The following NCKAP5 variants were observed in gnomAD, a reference collection of about 807,000 sequenced individuals.
NCKAP5 encodes NCK associated protein 5, also known as nck-associated protein 5.
Under a neutral mutation model 167.0 loss-of-function variants are expected in NCKAP5, and 92 were observed. That is an observed-to-expected ratio of 0.55 (90% confidence interval 0.47 to 0.66). NCKAP5 has a LOEUF of 0.66. NCKAP5 is among the 30% of genes least tolerant of loss of function. The pLI is 0.00. For synonymous variants in NCKAP5, 891 were observed against 877.4 expected, an observed-to-expected ratio of 1.02 and a Z score of -0.27; for missense variants, 2,378 against 2,315.0, an observed-to-expected ratio of 1.03 and a Z score of -0.56.
intron 4 of NCKAP5, among the ~76,000 whole-genome samples, chr2:133,294,786 A>C (rs1346514189): frequency 1.3e-5 from 2 of 152,216 alleles, no homozygotes; most frequent in African/African-American, 4.8e-5. Flanking sequence ...TCTTAGAATA[A>C]GAATCACATG....
chr2:133,575,670 C>T, the NCKAP5 span, among the ~76,000 whole-genome samples: 1 of 152,182 alleles, frequency 6.6e-6, no homozygotes, highest in African/African-American at 2.4e-5. Flanking sequence ...CATTCGGTTC[C>T]ATAAACAGCT....
chr2:133,669,516 C>T, the NCKAP5 span, among the ~76,000 whole-genome samples: 1 of 152,110 alleles, frequency 6.6e-6, no homozygotes, highest in Non-Finnish European at 1.5e-5. Flanking sequence ...GCCAGGTCCT[C>T]TTTCTTCAAA....
At chr2:132,904,663 A>G (rs760520452) in intron 8 of NCKAP5, among the ~76,000 whole-genome samples, 1 of 152,198 alleles carries the variant, frequency 6.6e-6, no homozygotes, top group Non-Finnish European at 1.5e-5. Flanking sequence ...ACTGATTAGT[A>G]CCATCTAAAC....
At chr2:132,971,096 G>A (rs545260643) in intron 7 of NCKAP5, among the ~76,000 whole-genome samples, 7 of 152,340 alleles carry the variant, frequency 4.6e-5, no homozygotes, top group South Asian at 2.1e-4. Flanking sequence ...AAAAATACAC[G>A]TGTGGCCCCT....
chr2:133,583,337 T>C, the NCKAP5 span, among the ~76,000 whole-genome samples: 6 of 151,982 alleles, frequency 3.9e-5, no homozygotes, highest in Non-Finnish European at 8.8e-5. Flanking sequence ...TCACATGAGA[T>C]CTAGTTGTTT....
rs138406952 is a variant in NCKAP5, at chr2:133,447,048, G to C, written c.69+70410C>G. 2.6e-3 allele frequency among the ~76,000 whole-genome samples: 400 copies of C among 152,270 alleles called. 4 individuals carry two copies. The highest frequency in any genetic ancestry group is 9.3e-3 in the African/African-American group (387 of 41,558). On this transcript the variant is annotated intron_variant, in intron 3 of 19. Coordinates refer to ENST00000409261, the MANE Select transcript of NCKAP5 (RefSeq NM_207363.3). ...TAACCAAGAAAGAACCATTGGTAAAGCTGAACTAGTGACTCTATGCGTGGT... is the reference window on the plus strand; with the variant it reads ...TAACCAAGAAAGAACCATTGGTAAACCTGAACTAGTGACTCTATGCGTGGT...
chr2:132,900,977 G>GAAAAAAAAAAAAAAA (rs58885401), intron 8 of NCKAP5, among the ~76,000 whole-genome samples: 2 of 98,664 alleles, frequency 2.0e-5, no homozygotes, highest in Admixed American at 1.1e-4. Flanking sequence ...AAAAAAAAAA[G>GAAAAAAAAAAAAAAA]AAAAAAAAAA....
At chr2:133,632,186 A>G in the NCKAP5 span, among the ~76,000 whole-genome samples, 2 of 152,232 alleles carry the variant, frequency 1.3e-5, no homozygotes, top group Non-Finnish European at 1.5e-5. Flanking sequence ...GACAGGATAC[A>G]TGGGTGGCAG....
intron 2 of NCKAP5, among the ~76,000 whole-genome samples, chr2:133,553,874 A>G (rs1222974009): frequency 6.6e-6 from 1 of 152,218 alleles, no homozygotes; most frequent in Non-Finnish European, 1.5e-5. Flanking sequence ...GCTTAGAATA[A>G]TACACATTTA....
At chr2:133,238,891 G>A (rs1297168022) in intron 4 of NCKAP5, among the ~76,000 whole-genome samples, 1 of 152,190 alleles carries the variant, frequency 6.6e-6, no homozygotes, top group Non-Finnish European at 1.5e-5. Flanking sequence ...ATGAATGAAA[G>A]AGGGTCTGTA....
chr2:133,549,302 G>GCACCA (rs200525931), intron 2 of NCKAP5, among the ~76,000 whole-genome samples: 6,284 of 151,704 alleles, frequency 0.041, 435 homozygotes, highest in African/African-American at 0.14. Context: ...TTTTTTTTCA[G>GCACCA]CACCACACCA....
chr2:132,711,963 T>G (rs1448196920), intron 19 of NCKAP5, among the ~76,000 whole-genome samples: 1 of 152,162 alleles, frequency 6.6e-6, no homozygotes. Context: ...AGTATTTTGG[T>G]GTTGTGGTTG....
chr2:133,403,133 G>A (rs1299304932), intron 3 of NCKAP5, among the ~76,000 whole-genome samples: 2 of 152,164 alleles, frequency 1.3e-5, no homozygotes, highest in Non-Finnish European at 2.9e-5. Context: ...TTGTACTTCA[G>A]ACAGCAAAGA....
At chr2:133,063,930 C>A (rs2080098962) in intron 6 of NCKAP5, among the ~76,000 whole-genome samples, 1 of 152,170 alleles carries the variant, frequency 6.6e-6, no homozygotes, top group African/African-American at 2.4e-5. Flanking sequence ...GGAATGGAGA[C>A]TAGAAAGATC....
chr2:132,701,458 G>C (rs1687879339), intron 19 of NCKAP5, among the ~76,000 whole-genome samples: 1 of 152,096 alleles, frequency 6.6e-6, no homozygotes, highest in African/African-American at 2.4e-5. Flanking sequence ...TCTTAGCCAG[G>C]TTCTCATAGC....
At chr2:132,720,665 C>A (rs963666913) in intron 19 of NCKAP5, among the ~76,000 whole-genome samples, 1 of 152,146 alleles carries the variant, frequency 6.6e-6, no homozygotes, top group Non-Finnish European at 1.5e-5. Flanking sequence ...TTCCTAGAAG[C>A]TATGGAGGAC....
chr2:133,560,572 CAGA>C lies in NCKAP5; in HGVS notation c.-129-1458_-129-1456del, dbSNP rs1408662735. Among the ~76,000 whole-genome samples the C allele has an allele frequency of 6.6e-5, 10 of 152,186 alleles. No individual in the cohort carries two copies. The East Asian group carries it at 1.5e-3, about 24-fold the overall frequency. Reference sequence around the variant, plus strand: ...AGAGTGGGGAGAAGAGAACCTTCCCCAGAAGGAGAGATTTGGGTGAATAAGAGG... The same window carrying C: ...AGAGTGGGGAGAAGAGAACCTTCCCCAGGAGAGATTTGGGTGAATAAGAGG... On this transcript the variant is annotated intron_variant, in intron 1 of 19. Transcript: ENST00000409261.
intron 7 of NCKAP5, among the ~76,000 whole-genome samples, chr2:132,989,384 C>G (rs898319861): frequency 6.6e-6 from 1 of 152,054 alleles, no homozygotes; most frequent in African/African-American, 2.4e-5. Flanking sequence ...TGAAACATAA[C>G]ACATATGAAA....
At chr2:133,650,952 G>A in the NCKAP5 span, among the ~76,000 whole-genome samples, 3 of 152,044 alleles carry the variant, frequency 2.0e-5, no homozygotes, top group African/African-American at 7.2e-5. Context: ...TCAACAAAAG[G>A]TGTTGGGAAA....
Sources: gnomAD v4.1 joint callset for allele counts (sites outside exome capture counted in the v4.1 genomes callset) on GRCh38, gnomAD v4.1.1 for gene constraint, MANE v1.5 for transcripts, NCBI Gene and HGNC (gene_info 2026-07-23, HGNC 2026-07-21) for gene names.